SCD5: variants seen among roughly 807,000 people sequenced by gnomAD.
The protein encoded by SCD5 is stearoyl-CoA desaturase 5.
In SCD5, 20 loss-of-function variants were observed where a neutral mutation model predicts 30.4. The observed-to-expected ratio is 0.66, with a 90% confidence interval of 0.46 to 0.96. SCD5 has a LOEUF of 0.96. SCD5 is among the 40% of genes least tolerant of loss of function. The pLI is 0.00. For synonymous variants in SCD5, 173 were observed against 176.4 expected (o/e 0.98, Z 0.16); for missense variants, 381 against 443.3 (o/e 0.86, Z 1.26).
intron 1 of SCD5, among the ~76,000 whole-genome samples, chr4:82,713,203 C>T (rs28695341): frequency 0.39 from 59,119 of 152,014 alleles, 12,149 homozygotes; most frequent in African/African-American, 0.51. Context: ...AGAGAGGATA[C>T]ATTTCATGCC....
At chr4:82,769,917 A>G (rs1039365328) in intron 1 of SCD5, among the ~76,000 whole-genome samples, 2 of 151,958 alleles carry the variant, frequency 1.3e-5, no homozygotes, top group African/African-American at 4.8e-5. Context: ...AACTATATCA[A>G]AATAAAAACT....
chr4:82,666,625 A>G (rs574921818), intron 3 of SCD5, among the ~76,000 whole-genome samples: 178 of 152,376 alleles, frequency 1.2e-3, no homozygotes, highest in Non-Finnish European at 2.1e-3. Flanking sequence ...TATTAGTGAG[A>G]ATGGTATCTA....
chr4:82,660,606 G>A, intron 3 of SCD5: 1 of 1,286,350 alleles, frequency 7.8e-7, no homozygotes, highest in African/African-American at 1.5e-5. Flanking sequence ...TGTAAGGTAG[G>A]TATCATTATT....
chr4:82,663,118 T>G (rs999624767), intron 3 of SCD5, among the ~76,000 whole-genome samples: 4 of 152,208 alleles, frequency 2.6e-5, no homozygotes, highest in Non-Finnish European at 5.9e-5. Flanking sequence ...AACTTTTCTT[T>G]AACTCATCAA....
At chr4:82,633,957 G>A (rs1401533875) in intron 4 of SCD5, among the ~76,000 whole-genome samples, 1 of 152,120 alleles carries the variant, frequency 6.6e-6, no homozygotes, top group Non-Finnish European at 1.5e-5. Flanking sequence ...TTTTCTATCT[G>A]TGTAGATTTG....
At chr4:82,690,356 A>G (rs540064768) in intron 2 of SCD5, among the ~76,000 whole-genome samples, 93 of 152,340 alleles carry the variant, frequency 6.1e-4, no homozygotes, top group Non-Finnish European at 1.1e-3. Flanking sequence ...GGCTATACCC[A>G]AGCTCATGAT....
chr4:82,635,728 G>A (rs1423367356), intron 4 of SCD5, among the ~76,000 whole-genome samples: 1 of 151,698 alleles, frequency 6.6e-6, no homozygotes, highest in Non-Finnish European at 1.5e-5. Flanking sequence ...GAGGAGGTAA[G>A]TGCTAGTATT....
intron 1 of SCD5, among the ~76,000 whole-genome samples, chr4:82,792,018 G>A (rs113727160): frequency 1.3e-5 from 2 of 152,242 alleles, no homozygotes; most frequent in Non-Finnish European, 2.9e-5. Flanking sequence ...AGCACTTTGG[G>A]AGGCCGAGGA....
At chr4:82,639,612 G>A (rs1234918796) in intron 3 of SCD5, among the ~76,000 whole-genome samples, 4 of 152,228 alleles carry the variant, frequency 2.6e-5, no homozygotes, top group Admixed American at 1.3e-4. Context: ...TGAAGAGGAC[G>A]TCTGTGTGGA....
chr4:82,647,929 T>A (rs1283004947), intron 3 of SCD5, among the ~76,000 whole-genome samples: 2 of 152,240 alleles, frequency 1.3e-5, no homozygotes, highest in African/African-American at 2.4e-5. Flanking sequence ...GCCCTCTTAA[T>A]CACAGTTTAT....
chr4:82,658,515 G>GT (rs567145018), intron 3 of SCD5, among the ~76,000 whole-genome samples: 123 of 143,364 alleles, frequency 8.6e-4, no homozygotes, highest in African/African-American at 3.0e-3. Context: ...TCACCAGGCT[G>GT]GAGTGCAGTG....
At chr4:82,681,492 T>C (rs1165672752) in intron 2 of SCD5, among the ~76,000 whole-genome samples, 1 of 152,128 alleles carries the variant, frequency 6.6e-6, no homozygotes, top group South Asian at 2.1e-4. Flanking sequence ...TGCAGGGACA[T>C]GGATGGAGCT....
At chr4:82,735,609 G>GA (rs1271105665) in intron 1 of SCD5, among the ~76,000 whole-genome samples, 1 of 152,042 alleles carries the variant, frequency 6.6e-6, no homozygotes, top group Non-Finnish European at 1.5e-5. Flanking sequence ...GGAAGGGGGG[G>GA]CTCCTGACAA....
chr4:82,765,788 T>C (rs747718635), intron 1 of SCD5, among the ~76,000 whole-genome samples: 6 of 152,014 alleles, frequency 3.9e-5, no homozygotes, highest in Non-Finnish European at 8.8e-5. Flanking sequence ...CCTGGCTAAT[T>C]TTTGTATTTT....
chr4:82,749,091 G>T (rs1397178394), intron 1 of SCD5, among the ~76,000 whole-genome samples: 1 of 152,214 alleles, frequency 6.6e-6, no homozygotes, highest in African/African-American at 2.4e-5. Context: ...TGTACATGAG[G>T]CTCTTCACAA....
At chr4:82,657,292 G>A (rs1359191820) in intron 3 of SCD5, among the ~76,000 whole-genome samples, 1 of 152,098 alleles carries the variant, frequency 6.6e-6, no homozygotes, top group Admixed American at 6.6e-5. Context: ...GTAAGGAAAG[G>A]GTCCAGTTTC....
chr4:82,690,388 T>C (rs1374294600), intron 2 of SCD5, among the ~76,000 whole-genome samples: 1 of 152,214 alleles, frequency 6.6e-6, no homozygotes, highest in East Asian at 1.9e-4. Context: ...TTTCTCTAAG[T>C]TTCAAAATAA....
At chr4:82,695,559 A>G (rs1279571555) in intron 2 of SCD5, among the ~76,000 whole-genome samples, 1 of 152,182 alleles carries the variant, frequency 6.6e-6, no homozygotes, top group Non-Finnish European at 1.5e-5. Context: ...ACAGAAGAAC[A>G]GTTTCGGTGA....
rs920175277 is a variant in SCD5 at position 82,726,571 on chromosome 4, T to G, written c.233-21158A>C. 4.0e-5 allele frequency among the ~76,000 whole-genome samples: 6 copies of G among 151,656 alleles called. 1 individual carries two copies. Among genetic ancestry groups the G allele is most frequent in the Admixed American group, 2.0e-4 (3 of 15,236 alleles). ...AAGAAAGCAGCTGTTTTTTTTTTTTTAAATAGAGACCTGCACTAAGTAATA... is the reference window on the plus strand; with the variant it reads ...AAGAAAGCAGCTGTTTTTTTTTTTTGAAATAGAGACCTGCACTAAGTAATA... On this transcript the variant is annotated intron_variant, in intron 1 of 4. Coordinates refer to ENST00000319540, the MANE Select transcript of SCD5 (RefSeq NM_001037582.3).
Sources: gnomAD v4.1 joint callset for allele counts (sites outside exome capture counted in the v4.1 genomes callset) on GRCh38, gnomAD v4.1.1 for gene constraint, MANE v1.5 for transcripts, NCBI Gene and HGNC (gene_info 2026-07-23, HGNC 2026-07-21) for gene names.